The following GARS1 variants were observed in gnomAD, a reference collection of about 807,000 sequenced individuals.
GARS1 encodes the protein glycine--tRNA ligase.
A neutral mutation model predicts 86.4 loss-of-function variants in GARS1; 46 were observed. That is an observed-to-expected ratio of 0.53 (90% CI 0.42 to 0.68). The LOEUF is 0.68. GARS1 is among the 30% of genes least tolerant of loss of function. The pLI is 0.00. For missense variants in GARS1, 797 were observed against 915.6 expected, an observed-to-expected ratio of 0.87 and a Z score of 1.67; for synonymous variants, 342 against 329.8, an observed-to-expected ratio of 1.04 and a Z score of -0.40.
chr7:30,604,972 C>T (rs1448870932), intron 6 of GARS1, among the ~76,000 whole-genome samples: 2 of 152,176 alleles, frequency 1.3e-5, no homozygotes, highest in Non-Finnish European at 2.9e-5. Context: ...TGAGCATTGG[C>T]CTTCTCTCTT....
At chr7:30,606,693 A>G (rs994938097) in intron 6 of GARS1, among the ~76,000 whole-genome samples, 2 of 152,154 alleles carry the variant, frequency 1.3e-5, no homozygotes, top group Admixed American at 6.5e-5. Flanking sequence ...TTGCCATCTC[A>G]TCTTATACAT....
chr7:30,597,857 C>T (rs984748395), intron 1 of GARS1, among the ~76,000 whole-genome samples: 3 of 152,168 alleles, frequency 2.0e-5, no homozygotes, highest in African/African-American at 7.2e-5. Flanking sequence ...AATTTAACAA[C>T]TTTAATTACT....
In GARS1 at chr7:30,621,392, G is replaced by C; in HGVS notation, c.1360-1G>C. The C allele has an allele frequency of 6.2e-7, 1 of 1,613,136 alleles. No homozygotes were observed. The highest frequency in any genetic ancestry group is 8.5e-7 in the Non-Finnish European group (1 of 1,179,188). ...TGTTTTTATTGATTATATCTTTTTAGGGTTGGATTGAGATTGTTGGATGTG... is the reference window on the plus strand; with the variant it reads ...TGTTTTTATTGATTATATCTTTTTACGGTTGGATTGAGATTGTTGGATGTG... On this transcript the variant is annotated splice_acceptor_variant, in intron 10 of 16. Coordinates refer to ENST00000389266, the MANE Select transcript of GARS1 (RefSeq NM_002047.4). LOFTEE classifies it high-confidence loss of function.
rs1466134117 is a variant in GARS1, at chr7:30,622,935, C to T, written c.1613+473C>T. Among the ~76,000 whole-genome samples, 8 of 151,748 alleles carry T rather than the reference C, an allele frequency of 5.3e-5. No homozygotes were observed. In the East Asian group the frequency reaches 1.5e-3, roughly 29 times the overall value. On this transcript the variant is annotated intron_variant, in intron 12 of 16. Coordinates refer to ENST00000389266, the MANE Select transcript of GARS1 (RefSeq NM_002047.4). ...CTAACACAGTGAAACCCCGTCTCTACTAAAAATACAAAAAAATTGTCCGGG... is the reference window on the plus strand; with the variant it reads ...CTAACACAGTGAAACCCCGTCTCTATTAAAAATACAAAAAAATTGTCCGGG...
chr7:30,631,781 A>G (rs1211553941), intron 15 of GARS1, among the ~76,000 whole-genome samples: 2 of 152,186 alleles, frequency 1.3e-5, no homozygotes, highest in African/African-American at 4.8e-5. Context: ...TTTAAAAATT[A>G]TTTACTTCTC....
At chr7:30,595,547 G>A (rs1048397318) in intron 1 of GARS1, among the ~76,000 whole-genome samples, 1 of 152,138 alleles carries the variant, frequency 6.6e-6, no homozygotes, top group African/African-American at 2.4e-5. Flanking sequence ...TGTACTCTTT[G>A]TGCACCCTGG....
chr7:30,599,934 T>A lies in GARS1; in HGVS notation c.325-13T>A, dbSNP rs746730263. On this transcript the variant is annotated splice_polypyrimidine_tract_variant and intron_variant, in intron 2 of 16. Transcript: ENST00000389266. ...CCCCTCCACTCACTCACTTTTTATTTAATCTCTAACAGGAGCTGGCGTTAC... is the reference window on the plus strand; with the variant it reads ...CCCCTCCACTCACTCACTTTTTATTAAATCTCTAACAGGAGCTGGCGTTAC... The A allele has an allele frequency of 1.9e-6, 3 of 1,593,468 alleles. No homozygotes were observed. In the South Asian group the frequency reaches 3.3e-5, roughly 18 times the overall value.
In GARS1 at chr7:30,631,460, C is replaced by T. The variant is rs1425001663; in HGVS notation, c.1822C>T (p.Pro608Ser). ...TTAAATCATCCAGTTCTTCAGTTTCCCTGCTGTAGTTGCTCCATTCAAATG... is the reference window on the plus strand; with the variant it reads ...TTAAATCATCCAGTTCTTCAGTTTCTCTGCTGTAGTTGCTCCATTCAAATG... ...GDEQRTFFSF[P>S]AVVAPFKCSV... Residue 608 changes from proline (P) to serine (S), a missense_variant, in exon 15 of 17, where the codon CCT (proline) becomes TCT (serine). Transcript: ENST00000389266. 1 of 1,612,780 alleles carries T rather than the reference C, an allele frequency of 6.2e-7. No individual in the cohort carries two copies. The highest frequency in any genetic ancestry group is 8.5e-7 in the Non-Finnish European group (1 of 1,179,118).
At chr7:30,606,976 A>T (rs186204054) in intron 6 of GARS1, among the ~76,000 whole-genome samples, 14 of 152,330 alleles carry the variant, frequency 9.2e-5, no homozygotes, top group Admixed American at 9.1e-4. Flanking sequence ...AAACATAATG[A>T]TTGATGTGCC....
chr7:30,622,777 ACT>A, intron 12 of GARS1: 1 of 366,768 alleles, frequency 2.7e-6, no homozygotes, highest in Non-Finnish European at 5.2e-6. Flanking sequence ...GGTTTAGAAT[ACT>A]CTCTGTAATT....
intron 3 of GARS1, 92 bp downstream of exon 3, chr7:30,600,141 C>T: frequency 1.1e-6 from 1 of 915,960 alleles, no homozygotes; most frequent in Admixed American, 1.8e-5. Flanking sequence ...TTGGTATCCA[C>T]TTGTATCAGG....
chr7:30,621,268 A>G (rs1037280510), intron 10 of GARS1, 125 bp from the exon 11 acceptor site: 2 of 826,172 alleles, frequency 2.4e-6, no homozygotes, highest in African/African-American at 3.4e-5. Context: ...TGAAATTTGA[A>G]TGAAGATTAT....
At position 30,598,812 on chromosome 7, in the gene GARS1, A is replaced by G. The variant is rs775444919; in HGVS notation, c.239A>G (p.Lys80Arg). The G allele has an allele frequency of 6.2e-6, 10 of 1,614,062 alleles. No individual in the cohort carries two copies. The highest frequency in any genetic ancestry group is 1.3e-5 in the African/African-American group (1 of 75,038). The change falls in exon 2 of 17, where the codon AAA (lysine) becomes AGA (arginine). Residue 80 changes from lysine to arginine, a missense_variant. Physicochemically the swap from Lys to Arg is conservative, Grantham distance 26 (BLOSUM62 2). This residue lies in a region of GARS1 where 199 missense variants were observed against 176.9 expected (regional missense o/e 1.12). Transcript: ENST00000389266. ...AVRQQGDLVR[K>R]LKEDKAPQVD... ...CTTGGCTAGGGAGATCTTGTGCGAAAACTCAAAGAAGATAAAGCACCCCAA... is the reference window on the plus strand; with the variant it reads ...CTTGGCTAGGGAGATCTTGTGCGAAGACTCAAAGAAGATAAAGCACCCCAA...
intron 8 of GARS1, among the ~76,000 whole-genome samples, chr7:30,612,827 C>T (rs1328368931): frequency 6.6e-6 from 1 of 152,182 alleles, no homozygotes; most frequent in Non-Finnish European, 1.5e-5. Context: ...TTTGTCTGAT[C>T]TATCCAGGGA....
At chr7:30,602,856 G>A (rs1466793983) in intron 4 of GARS1, among the ~76,000 whole-genome samples, 178 bp from the exon 5 acceptor site, 1 of 152,222 alleles carries the variant, frequency 6.6e-6, no homozygotes, top group Non-Finnish European at 1.5e-5. Flanking sequence ...GTGAGAAATA[G>A]ATTTGAGGAA....
chr7:30,615,763 G>A (rs1043096596), intron 8 of GARS1, 133 bp from the exon 9 acceptor site: 1 of 977,494 alleles, frequency 1.0e-6, no homozygotes, highest in South Asian at 2.0e-5. Flanking sequence ...CCAACTTTCT[G>A]TTTAGTGAAA....
Position 30,626,388 on chromosome 7 carries a change from G to A in GARS1, c.1699+69G>A, listed in dbSNP as rs191001693. 6.3e-6 allele frequency: 6 copies of A among 954,210 alleles called. No individual in the cohort carries two copies. In the African/African-American group the frequency reaches 8.1e-5, roughly 13 times the overall value. 59.1% of individuals were successfully genotyped at this position (954,210 alleles called of 1,614,324 possible). A position where few individuals can be genotyped will look rare whatever the true frequency, so the allele number is the denominator to read the frequency against. ...AGCTTTTGTTGTTGTTTGAGACAGG[G>A]TCTTGCTCTGTCACCCAGGCTGGAG... On this transcript the variant is annotated intron_variant, in intron 13 of 16. Coordinates refer to ENST00000389266, the MANE Select transcript of GARS1 (RefSeq NM_002047.4).
At chr7:30,603,237 C>G in intron 5 of GARS1, 115 bp downstream of exon 5, 1 of 876,946 alleles carries the variant, frequency 1.1e-6, no homozygotes. Flanking sequence ...GAGCAAAGTG[C>G]ACAGATCTTA....
Position 30,631,505 on chromosome 7 carries a change from C to T in GARS1, c.1867C>T (p.Gln623Ter), listed in dbSNP as rs766703697. ...PFKCSVLPLS[Q>*]NQEFMPFVKE... ...CAAATGTTCCGTCCTCCCACTGAGC[C>T]AAAACCAGGAGTTCATGCCATTTGT... The change falls in exon 15 of 17, where the codon CAA becomes TAA. Residue 623 changes from glutamine (Q) to a stop codon, truncating the protein, a stop_gained. Coordinates refer to ENST00000389266, the MANE Select transcript of GARS1 (RefSeq NM_002047.4). LOFTEE classifies it high-confidence loss of function. 1 of 1,613,630 alleles carries T rather than the reference C, an allele frequency of 6.2e-7. No individual in the cohort carries two copies. Among genetic ancestry groups the T allele is most frequent in the Non-Finnish European group, 8.5e-7 (1 of 1,179,676 alleles).
Sources: allele counts gnomAD v4.1 joint callset (sites outside exome capture counted in the v4.1 genomes callset), GRCh38; gene constraint gnomAD v4.1.1; regional missense constraint gnomAD v4.1.1; transcripts MANE v1.5; gene names NCBI Gene and HGNC (gene_info 2026-07-23, HGNC 2026-07-21).